The following DIAPH1 variants were observed in gnomAD, a reference collection of about 807,000 sequenced individuals.
DIAPH1 encodes the protein diaphanous related formin 1, also known as protein diaphanous homolog 1.
DIAPH1 carries 46 observed loss-of-function variants against 140.7 expected under a neutral mutation model. The observed-to-expected ratio is 0.33, with a 90% CI of 0.26 to 0.42. The LOEUF (loss-of-function observed/expected upper bound fraction) is 0.42, where lower values mean the gene tolerates loss of function less well. Among genes scored for constraint, DIAPH1 ranks in the 10% least tolerant of loss-of-function variants. The pLI is 1.00. For synonymous variants in DIAPH1, 565 were observed against 551.6 expected (o/e 1.02, Z -0.34); for missense variants, 1,310 against 1,558.7 (o/e 0.84, Z 2.69).
At chr5:141,541,760 C>A in intron 18 of DIAPH1, among the ~76,000 whole-genome samples, 1 of 149,584 alleles carries the variant, frequency 6.7e-6, no homozygotes, top group African/African-American at 2.5e-5. Context: ...AATAAAGTAC[C>A]ATAAGACAAA....
intron 16 of DIAPH1, 78 bp downstream of exon 16, chr5:141,573,414 G>C: frequency 2.0e-6 from 3 of 1,533,916 alleles, no homozygotes; most frequent in Non-Finnish European, 2.6e-6. Context: ...CAGCCTGGGC[G>C]ACAGAGCGAA....
intron 9 of DIAPH1, 70 bp from the exon 10 acceptor site, chr5:141,578,695 T>C: frequency 1.6e-6 from 2 of 1,219,408 alleles, no homozygotes; most frequent in East Asian, 2.3e-5. Flanking sequence ...TTTCTTTACA[T>C]GCATTCTTAG....
chr5:141,580,867 A>G lies in DIAPH1; in HGVS notation c.701T>C (p.Met234Thr), dbSNP rs755414258. ...FMNNKFGIKTMLETEEGILLL... is the reference protein window; with the variant it reads ...FMNNKFGIKTTLETEEGILLL... ...TAGGATTCCTTCTTCTGTCTCCAAC[A>G]TGGTCTTGATTCCAAACTGGTAGGA... The change falls in exon 8 of 28, where the codon ATG (methionine) becomes ACG (threonine). Residue 234 changes from methionine (M) to threonine (T), a missense_variant. By Grantham distance (81) the Met-to-Thr change is moderately conservative. Coordinates refer to ENST00000389054, the MANE Select transcript of DIAPH1 (RefSeq NM_005219.5). The G allele has an allele frequency of 5.6e-6, 9 of 1,614,092 alleles. No individual in the cohort carries two copies. Among genetic ancestry groups the G allele is most frequent in the Admixed American group, 3.3e-5 (2 of 60,008 alleles).
chr5:141,552,155 T>C (rs2099891791), intron 18 of DIAPH1, among the ~76,000 whole-genome samples: 1 of 152,106 alleles, frequency 6.6e-6, no homozygotes, highest in Non-Finnish European at 1.5e-5. Flanking sequence ...ATCTGGATTA[T>C]CTGGGTAGGC....
intron 23 of DIAPH1, 23 bp downstream of exon 23, chr5:141,528,430 A>G: frequency 6.2e-7 from 1 of 1,614,014 alleles, no homozygotes; most frequent in South Asian, 1.1e-5. Context: ...TTTGGGCTCT[A>G]GCTTCATTCC....
At chr5:141,557,475 T>G (rs2099892796) in intron 18 of DIAPH1, among the ~76,000 whole-genome samples, 1 of 152,166 alleles carries the variant, frequency 6.6e-6, no homozygotes. Flanking sequence ...AAAAATAACA[T>G]TTTTTAAAAA....
Position 141,527,776 on chromosome 5 carries a change from A to G in DIAPH1, c.3149-79T>C, listed in dbSNP as rs150503048. ...AATAATCCCAGCCTCAACACCCCTT[A>G]GTTTCACCTTTCAGAGCATAGCTTC... On this transcript the variant is annotated intron_variant, in intron 23 of 27. Coordinates refer to ENST00000389054, the MANE Select transcript of DIAPH1 (RefSeq NM_005219.5). The G allele has an allele frequency of 0.011, 15,658 of 1,466,012 alleles. 98 individuals are homozygous for G. The highest frequency in any genetic ancestry group is 0.012 in the Non-Finnish European group (13,239 of 1,098,428). The allele number at this position is 1,466,012 out of a possible 1,614,324, so 90.8% of individuals were successfully genotyped here. A position where few individuals can be genotyped will look rare whatever the true frequency, so the allele number is the denominator to read the frequency against.
At chr5:141,594,759 G>A (rs911842890) in intron 1 of DIAPH1, among the ~76,000 whole-genome samples, 2 of 151,498 alleles carry the variant, frequency 1.3e-5, no homozygotes, top group South Asian at 2.1e-4. Flanking sequence ...AGGAAAAGGC[G>A]GCCAGGTGCG....
At chr5:141,518,745 A>C in intron 27 of DIAPH1, 1 of 618,618 alleles carries the variant, frequency 1.6e-6, no homozygotes, top group South Asian at 1.9e-5. Context: ...CTGGTCTTGA[A>C]CTCCTGGGCT....
chr5:141,529,304 G>A lies in DIAPH1; in HGVS notation c.2677-31C>T, dbSNP rs776278375. On this transcript the variant is annotated intron_variant, in intron 20 of 27. Coordinates refer to ENST00000389054, the MANE Select transcript of DIAPH1 (RefSeq NM_005219.5). ...AGACAGAAGAGACATCTCAGCTGGA[G>A]GGGAATTCGCTAACAACTCAAGCCT... 2.5e-6 allele frequency: 4 copies of A among 1,569,016 alleles called. No homozygotes were observed. In the Admixed American group the frequency reaches 6.7e-5, roughly 26 times the overall value.
At chr5:141,562,663 C>G (rs1596369415) in intron 18 of DIAPH1, among the ~76,000 whole-genome samples, 2 of 151,942 alleles carry the variant, frequency 1.3e-5, no homozygotes, top group African/African-American at 4.8e-5. Context: ...AAGAAAAGCC[C>G]CAGAGGAAAC....
chr5:141,524,214 C>A lies in DIAPH1; in HGVS notation c.3590G>T (p.Gly1197Val). 1 of 1,614,078 alleles carries A rather than the reference C, an allele frequency of 6.2e-7. No homozygotes were observed. Residue 1197 changes from glycine (G) to valine (V), a missense_variant, in exon 27 of 28, where the codon GGT becomes GTT. Physicochemically the swap from Gly to Val is moderately radical, Grantham distance 109 (BLOSUM62 -3). Coordinates refer to ENST00000389054, the MANE Select transcript of DIAPH1 (RefSeq NM_005219.5). ...IDMNAEGDET[G>V]VMDSLLEALQ... The stretch of plus-strand genomic sequence containing the variant: ...GGCTTCTAGAAGACTGTCCATCACA[C>A]CTGTCTCATCGCCCTCTGTTATAAA...
At chr5:141,588,113 GA>G in intron 2 of DIAPH1, 110 bp downstream of exon 2, 2 of 881,202 alleles carry the variant, frequency 2.3e-6, no homozygotes, top group East Asian at 2.5e-5. Flanking sequence ...ATACTGAGTA[GA>G]AGCCATATCA....
intron 18 of DIAPH1, among the ~76,000 whole-genome samples, chr5:141,561,364 GTT>G (rs957167891): frequency 6.6e-5 from 9 of 137,288 alleles, no homozygotes; most frequent in Admixed American, 1.5e-4. Context: ...AAAGAGTTTT[GTT>G]TTTTTTTTTT....
chr5:141,611,539 G>C (rs192582585), intron 1 of DIAPH1, among the ~76,000 whole-genome samples: 1 of 152,208 alleles, frequency 6.6e-6, no homozygotes, highest in Non-Finnish European at 1.5e-5. Context: ...TTAGGCAACA[G>C]AGTGAGACTA....
At chr5:141,531,254 T>C (rs2099888182) in intron 19 of DIAPH1, among the ~76,000 whole-genome samples, 1 of 152,130 alleles carries the variant, frequency 6.6e-6, no homozygotes, top group Non-Finnish European at 1.5e-5. Context: ...TCAAAGCACC[T>C]TCTCCTTTAT....
chr5:141,584,046 A>C (rs1284454086), intron 4 of DIAPH1, 78 bp downstream of exon 4: 2 of 853,242 alleles, frequency 2.3e-6, no homozygotes, highest in Non-Finnish European at 4.0e-6. Context: ...AAAATGTTAC[A>C]TAAAATTGGC....
Position 141,534,370 on chromosome 5 carries a change from A to G in DIAPH1, c.2546T>C (p.Leu849Ser). 1.2e-6 allele frequency: 2 copies of G among 1,613,844 alleles called. No individual in the cohort carries two copies. Among genetic ancestry groups the G allele is most frequent in the East Asian group, 4.5e-5 (2 of 44,878 alleles). The stretch of plus-strand genomic sequence containing the variant: ...GGCTGTCTTTGAATCCAACACCTTT[A>G]ACTCTTTTACTTTTTTCTTTTGCAC... ...KSVQKKKVKE[L>S]KVLDSKTAQN... The change falls in exon 19 of 28, where the codon TTA becomes TCA. Residue 849 changes from leucine to serine, a missense_variant. This residue lies in a region of DIAPH1 where 589 missense variants were observed against 549.3 expected (regional missense o/e 1.07). Coordinates refer to ENST00000389054, the MANE Select transcript of DIAPH1 (RefSeq NM_005219.5).
Position 141,543,793 on chromosome 5 carries a change from C to G in DIAPH1, c.2483-9360G>C, listed in dbSNP as rs144613910. 7.7e-3 allele frequency among the ~76,000 whole-genome samples: 1,164 copies of G among 152,038 alleles called. 20 individuals are homozygous for G. Among genetic ancestry groups the G allele is most frequent in the African/African-American group, 0.027 (1,106 of 41,486 alleles). ...AAGTCAAGGAGCATCTGTACACACA[C>G]AAAAAATGGGATTGTATACTTTAAA... is the stretch of plus-strand genomic sequence containing the variant. On this transcript the variant is annotated intron_variant, in intron 18 of 27. Transcript: ENST00000389054.
Sources: gnomAD v4.1 joint callset for allele counts (sites outside exome capture counted in the v4.1 genomes callset) on GRCh38, gnomAD v4.1.1 for gene constraint, gnomAD v4.1.1 regional missense constraint, MANE v1.5 for transcripts, NCBI Gene and HGNC (gene_info 2026-07-23, HGNC 2026-07-21) for gene names.